KRABD3: variants seen among roughly 807,000 people sequenced by gnomAD.
The protein encoded by KRABD3 is KRAB domain containing 3.
chr7:149,721,125 C>A, the KRABD3 span: 1 of 1,275,274 alleles, frequency 7.8e-7, no homozygotes, highest in Non-Finnish European at 1.1e-6. Flanking sequence ...TTCCTCGTGG[C>A]TAGGCCGTGT....
chr7:149,722,876 G>A, the KRABD3 span: 1 of 1,613,718 alleles, frequency 6.2e-7, no homozygotes, highest in Non-Finnish European at 8.5e-7. Flanking sequence ...ACATCCCCAA[G>A]CTTCTTGCCA....
At chr7:149,733,105 G>T in the KRABD3 span, 5 of 1,369,860 alleles carry the variant, frequency 3.7e-6, no homozygotes, top group Non-Finnish European at 5.0e-6. Context: ...GCTGGGCCTT[G>T]GAGGAGGCAG....
the KRABD3 span, chr7:149,719,464 G>T: frequency 2.1e-6 from 3 of 1,450,308 alleles, no homozygotes; most frequent in Non-Finnish European, 2.7e-6. This position sits in a 1 kb window ranked among gnomAD's most constrained non-coding sequence, Gnocchi z 5.6. Context: ...TGGAGGCCTA[G>T]GTGGGGTTAC....
At chr7:149,733,624 C>T in the KRABD3 span, 3 of 1,592,812 alleles carry the variant, frequency 1.9e-6, no homozygotes, top group Non-Finnish European at 2.6e-6. Context: ...TCCTGCGTGG[C>T]CAGGGAGAGA....
At chr7:149,714,978 C>G in the KRABD3 span, 1 of 1,176,562 alleles carries the variant, frequency 8.5e-7, no homozygotes, top group Non-Finnish European at 1.1e-6. Flanking sequence ...CCTGGGCCGC[C>G]GCCGACGAGG....
At chr7:149,730,559 C>T in the KRABD3 span, 9 of 1,611,872 alleles carry the variant, frequency 5.6e-6, no homozygotes, top group Admixed American at 1.5e-4. Flanking sequence ...CTGCAGCGGC[C>T]TCGGTGCAGG....
the KRABD3 span, among the ~76,000 whole-genome samples, chr7:149,726,334 C>T: frequency 1.9e-4 from 29 of 152,290 alleles, no homozygotes; most frequent in Middle Eastern, 0.01. Context: ...CAGTGGCTCA[C>T]GCCTGTACTC....
the KRABD3 span, chr7:149,730,792 T>C: frequency 1.7e-6 from 1 of 588,110 alleles, no homozygotes; most frequent in East Asian, 2.8e-5. Context: ...GCCACTCACT[T>C]GATGCCACGT....
chr7:149,720,924 G>A, the KRABD3 span: 43 of 1,613,468 alleles, frequency 2.7e-5, no homozygotes, highest in East Asian at 2.5e-4. Context: ...AGTCAAGGGC[G>A]CTATGGACAG....
At chr7:149,724,688 A>T in the KRABD3 span, 418 of 1,547,856 alleles carry the variant, frequency 2.7e-4, 1 homozygote, top group African/African-American at 5.2e-3. Context: ...CCCCATCCTG[A>T]TCTTGGAGCT....
the KRABD3 span, among the ~76,000 whole-genome samples, chr7:149,732,206 C>T: frequency 4.0e-4 from 61 of 152,266 alleles, no homozygotes; most frequent in African/African-American, 1.3e-3. The surrounding 1 kb of genome is among the most constrained non-coding windows in gnomAD (Gnocchi z 4.0). Context: ...GTGTGGCCTG[C>T]GGCAGGTTCT....
At chr7:149,720,480 A>C in the KRABD3 span, among the ~76,000 whole-genome samples, 1 of 152,360 alleles carries the variant, frequency 6.6e-6, no homozygotes, top group Admixed American at 6.5e-5. Context: ...ACCGGCCCAG[A>C]CTGGGCAAGG....
At chr7:149,722,405 G>T in the KRABD3 span, 7 of 1,596,070 alleles carry the variant, frequency 4.4e-6, no homozygotes, top group African/African-American at 1.3e-5. Context: ...AGGCCCTCTT[G>T]TCTTCTCCTG....
At chr7:149,730,164 T>G in the KRABD3 span, 2 of 1,541,722 alleles carry the variant, frequency 1.3e-6, no homozygotes, top group Non-Finnish European at 1.7e-6. Context: ...CCCCAAGCCC[T>G]CCCCGCTGCA....
At chr7:149,724,501 G>C in the KRABD3 span, 4 of 521,084 alleles carry the variant, frequency 7.7e-6, no homozygotes, top group African/African-American at 2.0e-5. Flanking sequence ...GGTCTCTGCT[G>C]GTGATTGACA....
the KRABD3 span, chr7:149,730,481 G>A: frequency 1.2e-6 from 2 of 1,608,750 alleles, no homozygotes; most frequent in Non-Finnish European, 1.7e-6. Flanking sequence ...CCCATGTCCT[G>A]GTGGGACCCC....
At chr7:149,718,339 G>A in the KRABD3 span, among the ~76,000 whole-genome samples, 1 of 152,020 alleles carries the variant, frequency 6.6e-6, no homozygotes, top group Non-Finnish European at 1.5e-5. Context: ...TTAATAATTT[G>A]TTCTCACAAA....
At chr7:149,733,167 C>A in the KRABD3 span, 2 of 1,548,954 alleles carry the variant, frequency 1.3e-6, no homozygotes, top group African/African-American at 1.4e-5. Context: ...AAGGTCCTTA[C>A]AAACCAGGAA....
the KRABD3 span, chr7:149,721,990 A>T: frequency 2.7e-6 from 1 of 368,902 alleles, no homozygotes; most frequent in African/African-American, 2.1e-5. Context: ...CTGTTTTTAT[A>T]AAAAAGTACT....
Sources: allele counts gnomAD v4.1 joint callset (sites outside exome capture counted in the v4.1 genomes callset), GRCh38; gene constraint gnomAD v4.1.1; non-coding constraint Gnocchi (gnomAD v3.1); transcripts MANE v1.5; gene names NCBI Gene and HGNC (gene_info 2026-07-23, HGNC 2026-07-21).